Variants in PNKD observed in about 807,000 individuals in gnomAD.
PNKD encodes the protein probable thioesterase PNKD.
A neutral mutation model predicts 45.3 loss-of-function variants in PNKD; 36 were observed. The observed-to-expected ratio is 0.80, with a 90% CI of 0.61 to 1.05. PNKD has a LOEUF of 1.05. Among genes scored for constraint, PNKD ranks in the 50% least tolerant of loss-of-function variants. PNKD has a pLI of 0.00. For missense variants in PNKD, 511 were observed against 506.6 expected, an observed-to-expected ratio of 1.01 and a Z score of -0.08; for synonymous variants, 197 against 210.1, an observed-to-expected ratio of 0.94 and a Z score of 0.54.
chr2:218,288,983 C>T lies in PNKD; in HGVS notation c.236+17434C>T, dbSNP rs1280769351. Among the ~76,000 whole-genome samples the T allele has an allele frequency of 6.6e-5, 10 of 152,294 alleles. No homozygotes were observed. The Middle Eastern group carries it at 0.01, about 155-fold the overall frequency. Reference sequence around the variant, plus strand: ...ATTCAGAAAAAAAGAGATCTAGGGTCCCACAGCAGGCAAACAGCAGAGATG... The same window carrying T: ...ATTCAGAAAAAAAGAGATCTAGGGTTCCACAGCAGGCAAACAGCAGAGATG... On this transcript the variant is annotated intron_variant, in intron 2 of 9. Coordinates refer to ENST00000273077, the MANE Select transcript of PNKD (RefSeq NM_015488.5).
intron 2 of PNKD, among the ~76,000 whole-genome samples, chr2:218,318,902 G>A (rs989656002): frequency 4.2e-5 from 6 of 141,896 alleles, no homozygotes; most frequent in Non-Finnish European, 7.8e-5. Context: ...TTAATTTGAT[G>A]TATACTTTAC....
intron 2 of PNKD, among the ~76,000 whole-genome samples, chr2:218,333,515 G>A (rs1440898749): frequency 2.0e-5 from 3 of 152,198 alleles, no homozygotes; most frequent in East Asian, 1.9e-4. Context: ...CCAGGCTCTC[G>A]GCTGAGTGCT....
chr2:218,340,203 T>C lies in PNKD; in HGVS notation c.465+62T>C. ...CACCTTGGGGACTGGCAGTTTCGCC[T>C]TGCTAGAGAGGGCTGACCCTTGTCC... is the stretch of plus-strand genomic sequence containing the variant. On this transcript the variant is annotated intron_variant, in intron 4 of 9. Transcript: ENST00000273077. This position sits in a 1 kb window ranked among gnomAD's most constrained non-coding sequence, Gnocchi z 4.2. The C allele has an allele frequency of 1.9e-6, 2 of 1,040,522 alleles. No individual in the cohort carries two copies. The highest frequency in any genetic ancestry group is 3.0e-6 in the Non-Finnish European group (2 of 664,630). The allele number at this position is 1,040,522 out of a possible 1,614,324, so 64.5% of individuals were successfully genotyped here.
chr2:218,338,560 AG>A (rs1413193652), intron 2 of PNKD, among the ~76,000 whole-genome samples: 1 of 151,774 alleles, frequency 6.6e-6, no homozygotes, highest in Non-Finnish European at 1.5e-5. Flanking sequence ...TGAGCCCAGG[AG>A]TTCGAGACCA....
In PNKD at chr2:218,345,162, G is replaced by C. The variant is rs73088173; in HGVS notation, c.*181G>C. On this transcript the variant is annotated 3_prime_UTR_variant, in exon 10 of 10. Coordinates refer to ENST00000273077, the MANE Select transcript of PNKD (RefSeq NM_015488.5). ...GATGAGACTGTGAGGCCAAAAGAAG[G>C]GGGCCTGTTGGAGGCTGGGAACCCC... 76,029 of 607,806 alleles carry C rather than the reference G, an allele frequency of 0.13. 7,909 individuals carry two copies. The highest frequency in any genetic ancestry group is 0.4 in the African/African-American group (21,721 of 53,962). 37.7% of individuals were successfully genotyped at this position (607,806 alleles called of 1,614,324 possible).
At position 218,339,789 on chromosome 2, in the gene PNKD, C is replaced by G. The variant is rs540125259; in HGVS notation, c.243C>G (p.Ser81Arg). 42 of 1,609,832 alleles carry G rather than the reference C, an allele frequency of 2.6e-5. No homozygotes were observed. The South Asian group carries it at 4.0e-4, about 15-fold the overall frequency. ...PMKAVGLAWY[S>R]LYTRTWLGYL... ...CCACCCACTCGCCCTCTAGGTACAG[C>G]CTGTACACCCGCACCTGGCTCGGGT... The change falls in exon 3 of 10, where the codon AGC (serine) becomes AGG (arginine). Residue 81 changes from serine to arginine, a missense_variant. By Grantham distance (110) the Ser-to-Arg change is moderately radical. Transcript: ENST00000273077.
Position 218,279,538 on chromosome 2 carries a change from T to C in PNKD, c.236+7989T>C, listed in dbSNP as rs1574636617. The C allele has an allele frequency of 9.2e-6, 5 of 541,566 alleles. No homozygotes were observed. The South Asian group carries it at 1.0e-4, about 11-fold the overall frequency. The allele number at this position is 541,566 out of a possible 1,614,324, so 33.5% of individuals were successfully genotyped here. A position where few individuals can be genotyped will look rare whatever the true frequency, so the allele number is the denominator to read the frequency against. On this transcript the variant is annotated intron_variant, in intron 2 of 9. Coordinates refer to ENST00000273077, the MANE Select transcript of PNKD (RefSeq NM_015488.5). ...CACTTCTTCCTCAGCCCCGCTCCCA[T>C]GCTCCCTGCCATCTCCCCTCCTGTC...
At chr2:218,279,094 G>A (rs1272122616) in intron 2 of PNKD, 4 of 1,614,126 alleles carry the variant, frequency 2.5e-6, no homozygotes, top group Non-Finnish European at 3.4e-6. Flanking sequence ...CAGGTTCCCT[G>A]TGGGGCACAG....
chr2:218,312,213 CTCTT>C (rs1421864996), intron 2 of PNKD, among the ~76,000 whole-genome samples: 3 of 152,218 alleles, frequency 2.0e-5, no homozygotes, highest in African/African-American at 4.8e-5. Context: ...AATCTGATCT[CTCTT>C]TCTTTTCCCC....
Position 218,272,882 on chromosome 2 carries a change from A to G in PNKD, c.236+1333A>G. On this transcript the variant is annotated intron_variant, in intron 2 of 9. Coordinates refer to ENST00000273077, the MANE Select transcript of PNKD (RefSeq NM_015488.5). ...GAAGCCCAGGCTGTTGCCAAACCCT[A>G]CCCTGCCCCACACCAAGGAGCCAGC... 4.4e-6 allele frequency: 7 copies of G among 1,585,166 alleles called. No individual in the cohort carries two copies. The South Asian group carries it at 7.8e-5, about 18-fold the overall frequency.
Position 218,340,734 on chromosome 2 carries a change from A to G in PNKD, c.472A>G (p.Ile158Val). ...AACCTCCTCTCTCTCGCAGGCTTCCATTGAAAAGGAAGGGGTCACCTTGGT... is the reference window on the plus strand; with the variant it reads ...AACCTCCTCTCTCTCGCAGGCTTCCGTTGAAAAGGAAGGGGTCACCTTGGT... Reference protein sequence around the residue: ...PSDPRAVQASIEKEGVTLVAI... With the variant: ...PSDPRAVQASVEKEGVTLVAI... The change falls in exon 5 of 10, where the codon ATT (isoleucine) becomes GTT (valine). Residue 158 changes from isoleucine to valine, a missense_variant. Ile to Val is a conservative substitution (Grantham distance 29). Transcript: ENST00000273077. The surrounding 1 kb of genome is among the most constrained non-coding windows in gnomAD (Gnocchi z 4.2). The G allele has an allele frequency of 1.2e-6, 2 of 1,613,388 alleles. No homozygotes were observed. The highest frequency in any genetic ancestry group is 1.3e-5 in the African/African-American group (1 of 74,958).
intron 2 of PNKD, among the ~76,000 whole-genome samples, chr2:218,276,802 C>T (rs1378517605): frequency 2.0e-5 from 3 of 152,128 alleles, no homozygotes; most frequent in Non-Finnish European, 4.4e-5. Flanking sequence ...TGCTCTGGCT[C>T]CAAGGCCGCC....
At chr2:218,315,116 CCTTCCTTTCTTT>C (rs1487500482) in intron 2 of PNKD, among the ~76,000 whole-genome samples, 19 of 130,536 alleles carry the variant, frequency 1.5e-4, no homozygotes, top group Middle Eastern at 3.7e-3. Flanking sequence ...TTCCTTCCTT[CCTTCCTTTCTTT>C]CTTTCTTTCT....
At chr2:218,297,081 C>T (rs1188022653) in intron 2 of PNKD, among the ~76,000 whole-genome samples, 3 of 152,208 alleles carry the variant, frequency 2.0e-5, no homozygotes, top group Admixed American at 2.0e-4. Context: ...GACAATGTCT[C>T]ATTCACCCCT....
At chr2:218,290,745 C>T (rs1037378922) in intron 2 of PNKD, among the ~76,000 whole-genome samples, 3 of 152,196 alleles carry the variant, frequency 2.0e-5, no homozygotes, top group Non-Finnish European at 4.4e-5. Flanking sequence ...TGTAGCCTGT[C>T]GACTTCTGGA....
intron 2 of PNKD, chr2:218,277,476 G>A: frequency 6.2e-7 from 1 of 1,613,416 alleles, no homozygotes; most frequent in Admixed American, 1.7e-5. Flanking sequence ...AGGAGTTACA[G>A]ACAAGAGGCA....
chr2:218,289,691 A>G (rs1411191936), intron 2 of PNKD, among the ~76,000 whole-genome samples: 3 of 151,576 alleles, frequency 2.0e-5, no homozygotes, highest in Non-Finnish European at 4.4e-5. Flanking sequence ...TTCTGAATGA[A>G]CAGCCTAACA....
At chr2:218,337,210 G>T (rs1247188204) in intron 2 of PNKD, among the ~76,000 whole-genome samples, 1 of 151,892 alleles carries the variant, frequency 6.6e-6, no homozygotes, top group Non-Finnish European at 1.5e-5. Context: ...AAGTAGCTAG[G>T]ATTACAGGCG....
chr2:218,312,565 T>TA (rs5838691), intron 2 of PNKD, among the ~76,000 whole-genome samples: 136,559 of 141,586 alleles, frequency 0.96, 65,884 homozygotes, highest in South Asian at 0.99. Flanking sequence ...CCATGTTGTT[T>TA]AAAAAAAAAA....
Sources: allele counts gnomAD v4.1 joint callset (sites outside exome capture counted in the v4.1 genomes callset), GRCh38; gene constraint gnomAD v4.1.1; non-coding constraint Gnocchi (gnomAD v3.1); transcripts MANE v1.5; gene names NCBI Gene and HGNC (gene_info 2026-07-23, HGNC 2026-07-21).